The following CACNA1D variants were observed in gnomAD, a reference collection of about 807,000 sequenced individuals.
The protein encoded by CACNA1D is calcium voltage-gated channel subunit alpha1 D.
CACNA1D carries 55 observed loss-of-function variants against 257.1 expected under a neutral mutation model. That is an observed-to-expected ratio of 0.21 (90% confidence interval 0.17 to 0.27). The LOEUF (loss-of-function observed/expected upper bound fraction) is 0.27. Ranked by LOEUF, CACNA1D falls within the 10% of genes least tolerant of loss-of-function variation. The pLI is 1.00. For synonymous variants in CACNA1D, 980 were observed against 1,014.9 expected, an observed-to-expected ratio of 0.97 and a Z score of 0.65; for missense variants, 1,876 against 2,784.0, an observed-to-expected ratio of 0.67 and a Z score of 7.34.
intron 22 of CACNA1D, 99 bp downstream of exon 22, chr3:53,743,216 T>G: frequency 1.3e-6 from 1 of 762,232 alleles, no homozygotes; most frequent in Non-Finnish European, 2.4e-6. Context: ...TTTTCATGAT[T>G]ATATTTAGTT....
At chr3:53,805,373 A>G (rs1231410721) in intron 45 of CACNA1D, among the ~76,000 whole-genome samples, 1 of 152,162 alleles carries the variant, frequency 6.6e-6, no homozygotes, top group African/African-American at 2.4e-5. Context: ...TCTCTTTGAG[A>G]AGAGAGAGGC....
intron 3 of CACNA1D, among the ~76,000 whole-genome samples, chr3:53,540,093 T>TA (rs1162764071): frequency 6.6e-6 from 1 of 151,700 alleles, no homozygotes; most frequent in Non-Finnish European, 1.5e-5. Flanking sequence ...TTTTTTTTTT[T>TA]AAACACAAAT....
At chr3:53,719,615 C>A in intron 10 of CACNA1D, 140 bp from the exon 11 acceptor site, 1 of 809,442 alleles carries the variant, frequency 1.2e-6, no homozygotes. Flanking sequence ...TGGCCTTGCC[C>A]CTGCTGGCCT....
Position 53,774,109 on chromosome 3 carries a change from AT to A in CACNA1D, c.4111-477del. ...CGTTATTTTCATTCCCTCGGTATCT[AT>A]GCTGTCACCCTGCTCCTATGCACAT... On this transcript the variant is annotated intron_variant, in intron 33 of 47. Transcript: ENST00000350061. This position sits in a 1 kb window ranked among gnomAD's most constrained non-coding sequence, Gnocchi z 4.3. The A allele has an allele frequency of 5.6e-6, 1 of 177,482 alleles. No homozygotes were observed. The highest frequency in any genetic ancestry group is 1.5e-4 in the East Asian group (1 of 6,616). The allele number at this position is 177,482 out of a possible 1,614,324, so 11.0% of individuals were successfully genotyped here. A position where few individuals can be genotyped will look rare whatever the true frequency, so the allele number is the denominator to read the frequency against.
At chr3:53,638,511 A>G (rs2093912048) in intron 3 of CACNA1D, among the ~76,000 whole-genome samples, 2 of 152,216 alleles carry the variant, frequency 1.3e-5, no homozygotes, top group Admixed American at 1.3e-4. Context: ...CACAGCAGTA[A>G]TAGCCAATGT....
At chr3:53,773,063 C>T (rs989347775) in intron 33 of CACNA1D, among the ~76,000 whole-genome samples, 165 bp downstream of exon 33, 2 of 152,218 alleles carry the variant, frequency 1.3e-5, no homozygotes, top group Non-Finnish European at 2.9e-5. Context: ...TAGTAGAGAG[C>T]TCCAGGGGAG....
chr3:53,754,903 A>G (rs913306723), intron 29 of CACNA1D, among the ~76,000 whole-genome samples: 2 of 152,232 alleles, frequency 1.3e-5, no homozygotes, highest in Non-Finnish European at 2.9e-5. Flanking sequence ...ATCTCTATGC[A>G]ATCTTTATCA....
intron 3 of CACNA1D, among the ~76,000 whole-genome samples, chr3:53,635,561 C>T (rs1358164050): frequency 6.6e-6 from 1 of 152,152 alleles, no homozygotes. Flanking sequence ...TTTTTCCTGC[C>T]TCCAGGTGCT....
In CACNA1D at chr3:53,730,548, G is replaced by C. The variant is rs1559586442; in HGVS notation, c.2328G>C (p.Lys776Asn). Residue 776 changes from lysine to asparagine, a missense_variant, in exon 16 of 48, where the codon AAG (lysine) becomes AAC (asparagine). Coordinates refer to ENST00000350061, the MANE Select transcript of CACNA1D (RefSeq NM_001128840.3). ...KEEAEEKERKKIARKESLENK... is the reference protein window; with the variant it reads ...KEEAEEKERKNIARKESLENK... The stretch of plus-strand genomic sequence containing the variant: ...AAGCGGAAGAAAAGGAGAGGAAAAA[G>C]ATTGCCAGGTAACCCTATTTTCCCC... The C allele has an allele frequency of 1.9e-6, 3 of 1,611,678 alleles. No individual in the cohort carries two copies. In the African/African-American group the frequency reaches 4.0e-5, roughly 22 times the overall value.
intron 26 of CACNA1D, 59 bp downstream of exon 26, chr3:53,747,507 C>A (rs2095181835): frequency 6.4e-7 from 1 of 1,557,322 alleles, no homozygotes; most frequent in African/African-American, 1.4e-5. Context: ...GGGCTGAGCC[C>A]TCCCTCCTGG....
chr3:53,675,220 GAGCCGCCTCCTGT>G (rs2094363343), intron 8 of CACNA1D, among the ~76,000 whole-genome samples: 1 of 152,194 alleles, frequency 6.6e-6, no homozygotes. Context: ...TCCCCTGCCT[GAGCCGCCTCCTGT>G]AGATGAGTGG....
chr3:53,558,782 T>C (rs556209832), intron 3 of CACNA1D, among the ~76,000 whole-genome samples: 1 of 152,310 alleles, frequency 6.6e-6, no homozygotes, highest in African/African-American at 2.4e-5. Context: ...CTGGCTATTT[T>C]CAAGATTTTT....
intron 23 of CACNA1D, 37 bp downstream of exon 23, chr3:53,744,864 G>A (rs780632931): frequency 1.6e-6 from 2 of 1,230,246 alleles, no homozygotes; most frequent in Non-Finnish European, 2.4e-6. Context: ...GCTGGCTTGG[G>A]TTGGGGTTGG....
intron 27 of CACNA1D, among the ~76,000 whole-genome samples, chr3:53,750,055 C>T (rs564530650): frequency 2.6e-5 from 4 of 152,184 alleles, no homozygotes; most frequent in East Asian, 1.9e-4. Context: ...AACTGCTGAC[C>T]GAGGGGGGAA....
intron 22 of CACNA1D, 83 bp from the exon 23 acceptor site, chr3:53,744,657 A>C: frequency 1.2e-6 from 1 of 821,476 alleles, no homozygotes; most frequent in Non-Finnish European, 2.2e-6. Context: ...TACTAAAGTG[A>C]AGATCCAGTG....
intron 9 of CACNA1D, among the ~76,000 whole-genome samples, chr3:53,705,125 G>A (rs1275398914): frequency 2.0e-5 from 3 of 152,188 alleles, no homozygotes; most frequent in African/African-American, 7.2e-5. Flanking sequence ...GTGGCTTAGT[G>A]TGAGAAGCTG....
chr3:53,745,940 C>A (rs1336625724), intron 25 of CACNA1D, 65 bp downstream of exon 25: 15 of 1,255,294 alleles, frequency 1.2e-5, no homozygotes, highest in Non-Finnish European at 1.8e-5. Context: ...AGGATTCACA[C>A]ATGTTGGCAC....
intron 3 of CACNA1D, among the ~76,000 whole-genome samples, chr3:53,630,094 T>G (rs145887694): frequency 0.015 from 2,291 of 152,284 alleles, 30 homozygotes; most frequent in South Asian, 0.033. Context: ...TAAAAAGACA[T>G]AACACCTGTG....
At chr3:53,688,673 T>C (rs1559517671) in intron 8 of CACNA1D, among the ~76,000 whole-genome samples, 1 of 152,196 alleles carries the variant, frequency 6.6e-6, no homozygotes, top group Non-Finnish European at 1.5e-5. Flanking sequence ...TTCCAAGACC[T>C]GGAGCGGCAC....
Sources: gnomAD v4.1 joint callset for allele counts (sites outside exome capture counted in the v4.1 genomes callset) on GRCh38, gnomAD v4.1.1 for gene constraint, Gnocchi (gnomAD v3.1) non-coding constraint, MANE v1.5 for transcripts, NCBI Gene and HGNC (gene_info 2026-07-23, HGNC 2026-07-21) for gene names.